The following NAV2 variants were observed in gnomAD, a reference collection of about 807,000 sequenced individuals.
NAV2 encodes helicase, APC down-regulated 1.
A neutral mutation model predicts 223.2 loss-of-function variants in NAV2; 54 were observed. The observed-to-expected ratio is 0.24, with a 90% CI of 0.19 to 0.30. The LOEUF (loss-of-function observed/expected upper bound fraction) is 0.30, where lower values mean the gene tolerates loss of function less well. Ranked by LOEUF, NAV2 falls within the 10% of genes least tolerant of loss-of-function variation. NAV2 has a pLI of 1.00. For synonymous variants in NAV2, 1,279 were observed against 1,239.3 expected (o/e 1.03, Z -0.67); for missense variants, 2,806 against 3,147.5 (o/e 0.89, Z 2.60).
intron 1 of NAV2, among the ~76,000 whole-genome samples, chr11:19,686,158 C>T (rs768426880): frequency 2.6e-5 from 4 of 152,168 alleles, no homozygotes; most frequent in Non-Finnish European, 4.4e-5. Context: ...TTAGGTGGCT[C>T]CTACTCAGCC....
intron 1 of NAV2, among the ~76,000 whole-genome samples, chr11:19,724,990 G>A (rs573006112): frequency 1.8e-4 from 28 of 152,338 alleles, no homozygotes; most frequent in Non-Finnish European, 2.9e-4. Context: ...CAATTTCCCT[G>A]GGTGGTTATA....
intron 1 of NAV2, among the ~76,000 whole-genome samples, chr11:19,356,727 A>T (rs893656889): frequency 6.6e-6 from 1 of 152,308 alleles, no homozygotes; most frequent in Admixed American, 6.5e-5. Context: ...CATTTCCCAA[A>T]CATTCATGAA....
intron 1 of NAV2, among the ~76,000 whole-genome samples, chr11:19,389,486 T>G (rs1849165565): frequency 6.6e-6 from 1 of 152,248 alleles, no homozygotes; most frequent in South Asian, 2.1e-4. Context: ...GCTTTGAATC[T>G]TATTCTCCCA....
chr11:19,979,525 C>T (rs915043738), intron 10 of NAV2, among the ~76,000 whole-genome samples: 1 of 152,220 alleles, frequency 6.6e-6, no homozygotes, highest in East Asian at 1.9e-4. Context: ...CCTCTTTTGG[C>T]TGGCAAACTC....
intron 1 of NAV2, among the ~76,000 whole-genome samples, chr11:19,721,801 T>C (rs2050770474): frequency 6.6e-6 from 1 of 152,242 alleles, no homozygotes; most frequent in African/African-American, 2.4e-5. Flanking sequence ...ATGTCCTTTT[T>C]CTTGGGAGCT....
chr11:19,377,933 A>G (rs1848697801), intron 1 of NAV2, among the ~76,000 whole-genome samples: 1 of 152,038 alleles, frequency 6.6e-6, no homozygotes, highest in South Asian at 2.1e-4. Context: ...TGGGAGTGAT[A>G]TGAAGTGTGG....
intron 1 of NAV2, among the ~76,000 whole-genome samples, chr11:19,438,189 C>T (rs1851277536): frequency 6.6e-6 from 1 of 152,216 alleles, no homozygotes; most frequent in African/African-American, 2.4e-5. Flanking sequence ...CATCGTTGTG[C>T]TTTAATGTGC....
chr11:19,471,379 G>A (rs1872802), intron 1 of NAV2, among the ~76,000 whole-genome samples: 129,126 of 152,182 alleles, frequency 0.85, 55,123 homozygotes, highest in South Asian at 0.93. Flanking sequence ...CACATACTCA[G>A]TGCCCAACAT....
intron 2 of NAV2, among the ~76,000 whole-genome samples, chr11:19,839,227 C>T (rs1394663428): frequency 6.6e-6 from 1 of 152,136 alleles, no homozygotes; most frequent in Non-Finnish European, 1.5e-5. Flanking sequence ...TTTAAGAGGC[C>T]AGGATAAACA....
At chr11:20,022,181 T>C (rs2054565523) in intron 11 of NAV2, among the ~76,000 whole-genome samples, 3 of 152,256 alleles carry the variant, frequency 2.0e-5, no homozygotes, top group Non-Finnish European at 2.9e-5. Flanking sequence ...CTTGTGGCTA[T>C]AACATAAGTT....
intron 6 of NAV2, among the ~76,000 whole-genome samples, chr11:19,900,364 T>G (rs1396152462): frequency 1.3e-5 from 2 of 152,150 alleles, no homozygotes; most frequent in African/African-American, 4.8e-5. Context: ...AGAATGCAAG[T>G]ACCGTGAAGG....
At chr11:20,043,874 T>A (rs1014736699) in intron 12 of NAV2, 107 bp from the exon 13 acceptor site, 1 of 974,750 alleles carries the variant, frequency 1.0e-6, no homozygotes, top group South Asian at 1.6e-5. Flanking sequence ...AAGTAATGCT[T>A]ATTTTTCCCT....
chr11:19,478,672 A>G (rs2042192342), intron 1 of NAV2, among the ~76,000 whole-genome samples: 1 of 152,242 alleles, frequency 6.6e-6, no homozygotes, highest in Non-Finnish European at 1.5e-5. Flanking sequence ...CAACCAAGAC[A>G]AAAGCCTTCA....
At chr11:20,011,737 A>G (rs940560442) in intron 11 of NAV2, among the ~76,000 whole-genome samples, 7 of 152,248 alleles carry the variant, frequency 4.6e-5, no homozygotes, top group African/African-American at 1.7e-4. Flanking sequence ...GTAGTACAGC[A>G]TGAGCATTTT....
intron 3 of NAV2, among the ~76,000 whole-genome samples, chr11:19,847,340 A>C (rs2152961524): frequency 6.6e-6 from 1 of 152,292 alleles, no homozygotes; most frequent in Admixed American, 6.5e-5. Context: ...AAAGTTAGGG[A>C]GGCTTGCTTG....
chr11:19,645,997 T>G (rs1399260834), intron 1 of NAV2, among the ~76,000 whole-genome samples: 1 of 152,194 alleles, frequency 6.6e-6, no homozygotes, highest in Non-Finnish European at 1.5e-5. Context: ...GCTTCTCTCA[T>G]GCAATGTGAT....
chr11:19,939,846 T>C lies in NAV2; in HGVS notation c.2146+73T>C, dbSNP rs566966421. The C allele has an allele frequency of 7.7e-5, 77 of 1,006,484 alleles. No individual in the cohort carries two copies. The African/African-American group carries it at 1.2e-3, about 15-fold the overall frequency. 62.3% of individuals were successfully genotyped at this position (1,006,484 alleles called of 1,614,324 possible). On this transcript the variant is annotated intron_variant, in intron 8 of 37. Transcript: ENST00000349880. ...CCACGCAATACCTGCTGGAACAGCA[T>C]GAACCCAGCTTGATTACGAGTTGCA...
intron 11 of NAV2, chr11:20,022,709 T>A: frequency 9.7e-7 from 1 of 1,026,618 alleles, no homozygotes; most frequent in Non-Finnish European, 1.2e-6. Context: ...TAAAGTAGTT[T>A]TTCATTCTTA....
At position 19,892,594 on chromosome 11, in the gene NAV2, G is replaced by A. The variant is rs1192258296; in HGVS notation, c.931G>A (p.Glu311Lys). The part of the protein sequence containing the change: ...PPPPPSSHEK[E>K]PLASSASSHP... ...CCCACCGCCAAGCAGCCACGAGAAA[G>A]GTGAGTCACCTTCTTGAGGAGCCTT... Residue 311 changes from glutamate (E) to lysine (K), a missense_variant and splice_region_variant, in exon 6 of 38, where the codon GAG becomes AAG. Glu to Lys is a moderately conservative substitution (Grantham distance 56). Around this residue, in one of 4 missense-constraint regions of NAV2, gnomAD observed 1,167 missense variants for 1,180.5 expected, o/e 0.99. Coordinates refer to ENST00000349880, the MANE Select transcript of NAV2 (RefSeq NM_145117.5). The A allele has an allele frequency of 6.2e-7, 1 of 1,613,202 alleles. No individual in the cohort carries two copies. The highest frequency in any genetic ancestry group is 1.7e-5 in the Admixed American group (1 of 59,948).
Sources: allele counts gnomAD v4.1 joint callset (sites outside exome capture counted in the v4.1 genomes callset), GRCh38; gene constraint gnomAD v4.1.1; regional missense constraint gnomAD v4.1.1; transcripts MANE v1.5; gene names NCBI Gene and HGNC (gene_info 2026-07-23, HGNC 2026-07-21).